Variants in RILPL1 observed in about 807,000 individuals in gnomAD.
RILPL1 encodes Rab interacting lysosomal protein like 1.
In RILPL1, 33 loss-of-function variants were observed where a neutral mutation model predicts 50.3. The observed-to-expected ratio is 0.66, with a 90% CI of 0.50 to 0.88. The LOEUF (loss-of-function observed/expected upper bound fraction) is 0.88, where lower values mean the gene tolerates loss of function less well. Ranked by LOEUF, RILPL1 falls within the 40% of genes least tolerant of loss-of-function variation. The pLI is 0.00. For synonymous variants in RILPL1, 205 were observed against 228.6 expected (o/e 0.90, Z 0.93); for missense variants, 418 against 542.5 (o/e 0.77, Z 2.28).
At chr12:123,475,122 C>T (rs1881502177) in intron 6 of RILPL1, 1 of 155,556 alleles carries the variant, frequency 6.4e-6, no homozygotes, top group South Asian at 1.9e-4. Flanking sequence ...AATACAGCAG[C>T]AACACCTCAC....
intron 2 of RILPL1, among the ~76,000 whole-genome samples, chr12:123,508,476 A>G (rs890294369): frequency 3.9e-5 from 6 of 152,232 alleles, no homozygotes; most frequent in Non-Finnish European, 7.3e-5. Context: ...CTCAATTTCC[A>G]AAAAGCATAC....
chr12:123,482,476 C>A (rs531354407), intron 6 of RILPL1, among the ~76,000 whole-genome samples: 10 of 152,060 alleles, frequency 6.6e-5, no homozygotes, highest in African/African-American at 1.2e-4. Context: ...AGTCTCACTA[C>A]GTGGCCCAGG....
At chr12:123,527,155 ACT>A (rs1457237709) in intron 1 of RILPL1, among the ~76,000 whole-genome samples, 1 of 151,784 alleles carries the variant, frequency 6.6e-6, no homozygotes, top group Non-Finnish European at 1.5e-5. Context: ...ACATGGCAAA[ACT>A]CTGTCTCTAT....
chr12:123,478,788 G>A (rs190050072), intron 6 of RILPL1, among the ~76,000 whole-genome samples: 65 of 152,248 alleles, frequency 4.3e-4, no homozygotes, highest in African/African-American at 1.3e-3. Flanking sequence ...CTGTGTGTGC[G>A]TCCATGGGAC....
chr12:123,513,976 T>C (rs1043125528), intron 2 of RILPL1: 1 of 152,198 alleles, frequency 6.6e-6, no homozygotes, highest in African/African-American at 2.4e-5. Context: ...TGAGACACGA[T>C]GTGCCGTCGA....
At chr12:123,510,060 G>C (rs1883991341) in intron 2 of RILPL1, among the ~76,000 whole-genome samples, 1 of 152,238 alleles carries the variant, frequency 6.6e-6, no homozygotes, top group Non-Finnish European at 1.5e-5. Flanking sequence ...CGGCAGGGCA[G>C]GGTGTCAGCA....
chr12:123,518,294 G>A (rs527282582), intron 2 of RILPL1: 105 of 399,540 alleles, frequency 2.6e-4, no homozygotes, highest in African/African-American at 2.0e-3. Context: ...GCTTGAGGCC[G>A]GGAGTTTCAG....
At chr12:123,501,343 G>T (rs1483215580) in intron 2 of RILPL1, among the ~76,000 whole-genome samples, 2 of 151,872 alleles carry the variant, frequency 1.3e-5, no homozygotes, top group Non-Finnish European at 2.9e-5. Context: ...TACTTAGGAG[G>T]CTGACGAGGG....
Position 123,491,139 on chromosome 12 carries a change from G to A in RILPL1, c.802-5334C>T, listed in dbSNP as rs1882665510. Among the ~76,000 whole-genome samples, 1 of 152,230 alleles carries A rather than the reference G, an allele frequency of 6.6e-6. No individual in the cohort carries two copies. The highest frequency in any genetic ancestry group is 2.4e-5 in the African/African-American group (1 of 41,462). ...GAGGCCACCAGGCAGTGACCGCAGG[G>A]CCACGGGCAGCCCAGGACTATCCGG... is the stretch of plus-strand genomic sequence containing the variant. On this transcript the variant is annotated intron_variant, in intron 4 of 6. Transcript: ENST00000376874. The surrounding 1 kb of genome is among the most constrained non-coding windows in gnomAD (Gnocchi z 4.0).
chr12:123,512,486 C>CTG (rs200351435), intron 2 of RILPL1, among the ~76,000 whole-genome samples: 1 of 77,996 alleles, frequency 1.3e-5, no homozygotes, highest in South Asian at 4.4e-4. Flanking sequence ...TGTGTGAGGT[C>CTG]TGTGTGTGTG....
chr12:123,487,119 C>T (rs914688645), intron 4 of RILPL1, among the ~76,000 whole-genome samples: 1 of 152,016 alleles, frequency 6.6e-6, no homozygotes, highest in Admixed American at 6.6e-5. Flanking sequence ...ACTTATTAAG[C>T]AGTCACTCTC....
At position 123,533,453 on chromosome 12, in the gene RILPL1, C is replaced by T. The variant is rs953987396; in HGVS notation, c.30G>A (p.Ala10=). Reference sequence around the variant, plus strand: ...CGTTCTTCTCCAGCGCCGACTCGGCCGCCAGCGCCGACCCCCGCTCCTCCT... The same window carrying T: ...CGTTCTTCTCCAGCGCCGACTCGGCTGCCAGCGCCGACCCCCGCTCCTCCT... The part of the protein sequence containing the change: MEEERGSAL[A]AESALEKNVA... Residue 10 remains alanine, a synonymous_variant, in exon 1 of 7, where the codon GCG becomes GCA. Transcript: ENST00000376874. The surrounding 1 kb of genome is among the most constrained non-coding windows in gnomAD (Gnocchi z 6.2). 73 of 1,529,806 alleles carry T rather than the reference C, an allele frequency of 4.8e-5. No individual in the cohort carries two copies. The highest frequency in any genetic ancestry group is 6.1e-5 in the Non-Finnish European group (69 of 1,135,770). 94.8% of individuals were successfully genotyped at this position (1,529,806 alleles called of 1,614,324 possible). A position where few individuals can be genotyped will look rare whatever the true frequency, so the allele number is the denominator to read the frequency against.
chr12:123,502,089 A>G (rs1883435982), intron 2 of RILPL1, among the ~76,000 whole-genome samples: 1 of 152,120 alleles, frequency 6.6e-6, no homozygotes, highest in African/African-American at 2.4e-5. Flanking sequence ...TCAAAAAAAA[A>G]AAAAAAAAGG....
chr12:123,494,662 G>A (rs141284588), intron 4 of RILPL1, among the ~76,000 whole-genome samples: 69 of 152,230 alleles, frequency 4.5e-4, no homozygotes, highest in Non-Finnish European at 9.0e-4. Context: ...GGTGGCGACC[G>A]CACCACCCTC....
At chr12:123,494,306 C>CCCCTGTGTGACTG (rs1485438470) in intron 4 of RILPL1, among the ~76,000 whole-genome samples, 1 of 152,226 alleles carries the variant, frequency 6.6e-6, no homozygotes, top group African/African-American at 2.4e-5. Flanking sequence ...ATCCTGAACT[C>CCCCTGTGTGACTG]ACAGAGCTCC....
rs1431094243 is a variant in RILPL1, at chr12:123,480,495, G to GGC, written c.1067+3683_1067+3684dup. Among the ~76,000 whole-genome samples the GGC allele has an allele frequency of 4.6e-5, 7 of 151,984 alleles. 1 individual carries two copies. In the East Asian group the frequency reaches 1.3e-3, roughly 29 times the overall value. ...AATTCTTAACGACCTGGGAACAAAT[G>GGC]GCTGAAGGATGCAGAACACAAGTCT... On this transcript the variant is annotated intron_variant, in intron 6 of 6. Transcript: ENST00000376874.
In RILPL1 at chr12:123,499,313, G is replaced by T. The variant is rs561136360; in HGVS notation, c.579+105C>A. On this transcript the variant is annotated intron_variant, in intron 3 of 6. Coordinates refer to ENST00000376874, the MANE Select transcript of RILPL1 (RefSeq NM_178314.5). The stretch of plus-strand genomic sequence containing the variant: ...GGATCCACACCCCACGGAGCCCCAA[G>T]AATGAGAGTGAGGGAGAGAAGGGGC... 6.7e-4 allele frequency: 513 copies of T among 765,700 alleles called. 2 individuals carry two copies. The African/African-American group carries it at 7.7e-3, about 11-fold the overall frequency. The allele number at this position is 765,700 out of a possible 1,614,324, so 47.4% of individuals were successfully genotyped here. A position where few individuals can be genotyped will look rare whatever the true frequency, so the allele number is the denominator to read the frequency against.
chr12:123,493,643 C>T (rs938949185), intron 4 of RILPL1, among the ~76,000 whole-genome samples: 8 of 152,148 alleles, frequency 5.3e-5, no homozygotes, highest in Non-Finnish European at 1.0e-4. Context: ...TGCCCTGGGA[C>T]AAACCCCTGA....
At chr12:123,517,253 A>G (rs1476143450) in intron 2 of RILPL1, among the ~76,000 whole-genome samples, 3 of 152,084 alleles carry the variant, frequency 2.0e-5, no homozygotes, top group Admixed American at 6.6e-5. Context: ...CGCTGGAGGG[A>G]GCATGGCCTT....
Sources: gnomAD v4.1 joint callset for allele counts (sites outside exome capture counted in the v4.1 genomes callset) on GRCh38, gnomAD v4.1.1 for gene constraint, Gnocchi (gnomAD v3.1) non-coding constraint, MANE v1.5 for transcripts, NCBI Gene and HGNC (gene_info 2026-07-23, HGNC 2026-07-21) for gene names.